The following CDNF variants were observed in gnomAD, a reference collection of about 807,000 sequenced individuals.
CDNF encodes ARMET-like protein 1.
Under a neutral mutation model 14.8 loss-of-function variants are expected in CDNF, and 9 were observed. The observed-to-expected ratio is 0.61, with a 90% confidence interval of 0.37 to 1.06. The LOEUF (loss-of-function observed/expected upper bound fraction) is 1.06. Ranked by LOEUF, CDNF falls within the 50% of genes least tolerant of loss-of-function variation. The probability of loss-of-function intolerance (pLI) is 0.01; values close to 1 mark genes in which losing one functional copy is unlikely to be tolerated. For missense variants in CDNF, 228 were observed against 228.4 expected, an observed-to-expected ratio of 1.00 and a Z score of 0.01; for synonymous variants, 86 against 87.2, an observed-to-expected ratio of 0.99 and a Z score of 0.07.
intron 3 of CDNF, among the ~76,000 whole-genome samples, chr10:14,820,666 G>A (rs781056047): frequency 1.3e-5 from 2 of 152,108 alleles, no homozygotes; most frequent in African/African-American, 4.8e-5. Flanking sequence ...TTGGGAGATG[G>A]AGGTTGCAGT....
chr10:14,826,020 A>C (rs199545343), intron 2 of CDNF, among the ~76,000 whole-genome samples: 6,502 of 111,198 alleles, frequency 0.058, 220 homozygotes, highest in African/African-American at 0.15. Context: ...GAAGCAGAAG[A>C]AGAAGAAGGA....
At chr10:14,823,177 C>T (rs748681421) in intron 3 of CDNF, among the ~76,000 whole-genome samples, 1 of 152,174 alleles carries the variant, frequency 6.6e-6, no homozygotes, top group Non-Finnish European at 1.5e-5. Flanking sequence ...AGATAAGAGG[C>T]TGAAGGAGAA....
At chr10:14,824,841 A>T (rs1833766035) in intron 3 of CDNF, among the ~76,000 whole-genome samples, 1 of 152,154 alleles carries the variant, frequency 6.6e-6, no homozygotes, top group Admixed American at 6.5e-5. Context: ...TTAATAGATT[A>T]CCAAGATCCA....
At chr10:14,834,514 A>G (rs1374211700) in intron 1 of CDNF, among the ~76,000 whole-genome samples, 1 of 152,180 alleles carries the variant, frequency 6.6e-6, no homozygotes, top group Admixed American at 6.5e-5. Flanking sequence ...CTGCCAATGT[A>G]TCATCTAGGT....
intron 3 of CDNF, 40 bp downstream of exon 3, chr10:14,825,439 C>A: frequency 6.3e-7 from 1 of 1,594,240 alleles, no homozygotes; most frequent in South Asian, 1.1e-5. Flanking sequence ...GTTTGGGAAT[C>A]CATTGGACCT....
At position 14,820,083 on chromosome 10, in the gene CDNF, C is replaced by T. The variant is rs61738953; in HGVS notation, c.461G>A (p.Trp154Ter). Residue 154 changes from tryptophan to a stop codon, truncating the protein, a stop_gained, in exon 4 of 4, where the codon TGG becomes TAG. Transcript: ENST00000465530. LOFTEE classifies it low-confidence loss of function (END_TRUNC). The part of the protein sequence containing the change: ...VAELKQILHS[W>*]GEECRACAEK... ...TGCACAGGCCCTGCACTCCTCCCCC[C>T]AGCTATGCAGGATCTGCTTCAGCTC... 17 of 1,614,014 alleles carry T rather than the reference C, an allele frequency of 1.1e-5. No homozygotes were observed. In the Admixed American group the frequency reaches 1.5e-4, roughly 14 times the overall value.
At chr10:14,825,199 G>A (rs1272546227) in intron 3 of CDNF, among the ~76,000 whole-genome samples, 2 of 152,088 alleles carry the variant, frequency 1.3e-5, no homozygotes, top group East Asian at 1.9e-4. Flanking sequence ...CTTGCGATCC[G>A]CCCGTCTCGG....
At chr10:14,826,115 GC>G (rs1169809807) in intron 2 of CDNF, among the ~76,000 whole-genome samples, 1,752 of 135,936 alleles carry the variant, frequency 0.013, 94 homozygotes, top group South Asian at 0.041. Context: ...AGCAGCAGCA[GC>G]AGCAGCAGAA....
chr10:14,822,880 C>T (rs1323307662), intron 3 of CDNF, among the ~76,000 whole-genome samples: 3 of 152,066 alleles, frequency 2.0e-5, no homozygotes, highest in African/African-American at 4.8e-5. Flanking sequence ...TCCAGAAAAC[C>T]CTTAAATTTT....
At chr10:14,821,362 G>A (rs887821913) in intron 3 of CDNF, among the ~76,000 whole-genome samples, 3 of 152,180 alleles carry the variant, frequency 2.0e-5, no homozygotes, top group Non-Finnish European at 4.4e-5. Context: ...CACCTCAGCT[G>A]ATCCGCCTGC....
In CDNF at chr10:14,819,499, AG is replaced by A. The variant is rs1833718147; in HGVS notation, c.*480del. ...CCTGCCTGACCATTTCTGATACCAAAGAGAGCTACAATATAGAGTGAAAACA... is the reference window on the plus strand; with the variant it reads ...CCTGCCTGACCATTTCTGATACCAAAAGAGCTACAATATAGAGTGAAAACA... On this transcript the variant is annotated 3_prime_UTR_variant, in exon 4 of 4. Coordinates refer to ENST00000465530, the MANE Select transcript of CDNF (RefSeq NM_001029954.3). 6.6e-6 allele frequency: 1 copy of A among 152,360 alleles called. No individual in the cohort carries two copies. 9.4% of individuals were successfully genotyped at this position (152,360 alleles called of 1,614,324 possible). A position where few individuals can be genotyped will look rare whatever the true frequency, so the allele number is the denominator to read the frequency against.
intron 2 of CDNF, among the ~76,000 whole-genome samples, chr10:14,826,531 A>C (rs905275541): frequency 7.2e-5 from 11 of 152,158 alleles, no homozygotes; most frequent in African/African-American, 1.7e-4. Context: ...GCAGAAGCAG[A>C]AGAAGAAGAA....
chr10:14,823,034 C>A (rs978928311), intron 3 of CDNF, among the ~76,000 whole-genome samples: 3 of 152,180 alleles, frequency 2.0e-5, no homozygotes, highest in Non-Finnish European at 2.9e-5. Context: ...GCTGATCTGA[C>A]AGAATACTTT....
chr10:14,832,156 C>G (rs1833849381), intron 1 of CDNF, among the ~76,000 whole-genome samples: 1 of 152,164 alleles, frequency 6.6e-6, no homozygotes. Flanking sequence ...GGAAAGATCT[C>G]TTAGATAAAG....
rs1386974350 is a variant in CDNF, at chr10:14,826,208, G to GAAT, written c.244-589_244-588insATT. ...AGCAGAAGCAGCAGAAGAAGAAGAAGAAGAAGAAGAAGCAGAAGCAGAAGC... is the reference window on the plus strand; with the variant it reads ...AGCAGAAGCAGCAGAAGAAGAAGAAGAATAAGAAGAAGAAGCAGAAGCAGAAGC... On this transcript the variant is annotated intron_variant, in intron 2 of 3. Transcript: ENST00000465530. Among the ~76,000 whole-genome samples the GAAT allele has an allele frequency of 1.0e-3, 157 of 151,748 alleles. 4 individuals are homozygous for GAAT. Among genetic ancestry groups the GAAT allele is most frequent in the African/African-American group, 3.6e-3 (147 of 41,296 alleles).
chr10:14,819,340 G>A lies in CDNF; in HGVS notation c.*640C>T, dbSNP rs549711948. 3.9e-5 allele frequency: 6 copies of A among 152,308 alleles called. No individual in the cohort carries two copies. The highest frequency in any genetic ancestry group is 2.1e-4 in the South Asian group (1 of 4,826). 9.4% of individuals were successfully genotyped at this position (152,308 alleles called of 1,614,324 possible). ...GACTGTAAGGAATGAAAAAGACCTTGAGCTTGGTTCAATTAACAATGTAAA... is the reference window on the plus strand; with the variant it reads ...GACTGTAAGGAATGAAAAAGACCTTAAGCTTGGTTCAATTAACAATGTAAA... On this transcript the variant is annotated 3_prime_UTR_variant, in exon 4 of 4. Coordinates refer to ENST00000465530, the MANE Select transcript of CDNF (RefSeq NM_001029954.3).
intron 2 of CDNF, among the ~76,000 whole-genome samples, chr10:14,827,005 C>A (rs1320646853): frequency 7.9e-6 from 1 of 127,136 alleles, no homozygotes; most frequent in Non-Finnish European, 1.5e-5. Flanking sequence ...CACTTGAGCT[C>A]AGGAGTTCGA....
At chr10:14,825,402 T>A in intron 3 of CDNF, 77 bp downstream of exon 3, 1 of 1,432,490 alleles carries the variant, frequency 7.0e-7, no homozygotes. Flanking sequence ...CACTGAATTT[T>A]TAGAAGACAT....
In CDNF at chr10:14,837,966, T is replaced by C; in HGVS notation, c.-20A>G. Reference sequence around the variant, plus strand: ...CCACATGCTGGGCCAGCAGCTTCAATCGCCTCCGCCACCCGCGCCCACCGC... The same window carrying C: ...CCACATGCTGGGCCAGCAGCTTCAACCGCCTCCGCCACCCGCGCCCACCGC... On this transcript the variant is annotated 5_prime_UTR_variant, in exon 1 of 4. Transcript: ENST00000465530. 1 of 1,555,780 alleles carries C rather than the reference T, an allele frequency of 6.4e-7. No individual in the cohort carries two copies. Among genetic ancestry groups the C allele is most frequent in the Non-Finnish European group, 8.7e-7 (1 of 1,148,332 alleles).
Sources: gnomAD v4.1 joint callset for allele counts (sites outside exome capture counted in the v4.1 genomes callset) on GRCh38, gnomAD v4.1.1 for gene constraint, MANE v1.5 for transcripts, NCBI Gene and HGNC (gene_info 2026-07-23, HGNC 2026-07-21) for gene names.